MTUS2: variants seen among roughly 807,000 people sequenced by gnomAD.
The protein encoded by MTUS2 is microtubule associated scaffold protein 2, also known as microtubule-associated tumor suppressor candidate 2.
A neutral mutation model predicts 114.1 loss-of-function variants in MTUS2; 40 were observed. That is an observed-to-expected ratio of 0.35 (90% confidence interval 0.27 to 0.46). The LOEUF (loss-of-function observed/expected upper bound fraction) is 0.46, where lower values mean the gene tolerates loss of function less well. Among genes scored for constraint, MTUS2 ranks in the 20% least tolerant of loss-of-function variants. The pLI is 1.00. For synonymous variants in MTUS2, 688 were observed against 672.0 expected, an observed-to-expected ratio of 1.02 and a Z score of -0.37; for missense variants, 1,679 against 1,705.4, an observed-to-expected ratio of 0.98 and a Z score of 0.27.
chr13:28,916,883 G>A (rs1034230300), intron 2 of MTUS2, among the ~76,000 whole-genome samples: 12 of 151,792 alleles, frequency 7.9e-5, no homozygotes, highest in African/African-American at 2.9e-4. Context: ...TACCCTTTCA[G>A]TATGATACTA....
intron 7 of MTUS2, among the ~76,000 whole-genome samples, chr13:29,346,555 C>T (rs1868711381): frequency 7.7e-6 from 1 of 129,546 alleles, no homozygotes; most frequent in Non-Finnish European, 1.6e-5. Flanking sequence ...CCCACCATGT[C>T]CCCCCAACAG....
chr13:29,055,653 T>G (rs1299923765), intron 4 of MTUS2, among the ~76,000 whole-genome samples: 2 of 152,074 alleles, frequency 1.3e-5, no homozygotes, highest in African/African-American at 4.8e-5. Flanking sequence ...AATGATCTCG[T>G]TCTTTTTTAT....
intron 5 of MTUS2, among the ~76,000 whole-genome samples, chr13:29,198,570 A>G (rs1316382578): frequency 1.3e-5 from 2 of 152,222 alleles, no homozygotes; most frequent in South Asian, 4.1e-4. Context: ...TTAGTTCCAT[A>G]TGAAATTTAA....
intron 2 of MTUS2, among the ~76,000 whole-genome samples, chr13:28,951,580 C>G (rs924840425): frequency 1.2e-4 from 18 of 152,156 alleles, no homozygotes; most frequent in African/African-American, 3.9e-4. Flanking sequence ...GGGTAGATTA[C>G]TTGAGGCCAG....
At chr13:29,349,705 G>C (rs1869057736) in intron 7 of MTUS2, among the ~76,000 whole-genome samples, 3 of 151,998 alleles carry the variant, frequency 2.0e-5, no homozygotes, top group Admixed American at 2.0e-4. Context: ...TTTCCAGCTT[G>C]AATGGTTTCT....
chr13:28,942,897 T>C (rs1393687616), intron 2 of MTUS2, among the ~76,000 whole-genome samples: 1 of 152,194 alleles, frequency 6.6e-6, no homozygotes, highest in Non-Finnish European at 1.5e-5. Flanking sequence ...TTCATTAAGG[T>C]GTACTTCATG....
chr13:29,403,260 G>C (rs1874489964), intron 8 of MTUS2, among the ~76,000 whole-genome samples: 2 of 152,106 alleles, frequency 1.3e-5, no homozygotes, highest in African/African-American at 4.8e-5. Context: ...CACTCCTCTT[G>C]TGTGTTTCTT....
chr13:28,989,746 G>A (rs1158114340), intron 2 of MTUS2, among the ~76,000 whole-genome samples: 2 of 152,114 alleles, frequency 1.3e-5, no homozygotes, highest in South Asian at 2.1e-4. Context: ...AAGCACATGC[G>A]AATCTTAAAG....
chr13:29,243,976 G>A (rs1896820159), intron 5 of MTUS2, among the ~76,000 whole-genome samples: 1 of 152,228 alleles, frequency 6.6e-6, no homozygotes, highest in African/African-American at 2.4e-5. Context: ...AGGAGAACAA[G>A]TATGTGAGTC....
intron 9 of MTUS2, among the ~76,000 whole-genome samples, chr13:29,461,967 A>T (rs1247958843): frequency 1.1e-4 from 16 of 152,166 alleles, no homozygotes; most frequent in Admixed American, 1.0e-3. Context: ...ACCCAAAAAG[A>T]AGGAGCCAGG....
chr13:29,229,144 C>CA (rs1896226738), intron 5 of MTUS2, among the ~76,000 whole-genome samples: 2 of 152,040 alleles, frequency 1.3e-5, no homozygotes, highest in South Asian at 4.2e-4. Flanking sequence ...TTGGTTTCTG[C>CA]TGGCTCCCCT....
At chr13:29,017,574 A>C (rs1201721161) in intron 2 of MTUS2, among the ~76,000 whole-genome samples, 4 of 152,224 alleles carry the variant, frequency 2.6e-5, no homozygotes, top group South Asian at 2.1e-4. Context: ...AATACAAATC[A>C]AACTGATGAT....
chr13:28,921,068 AG>A (rs1566224776), intron 2 of MTUS2, among the ~76,000 whole-genome samples: 1 of 152,214 alleles, frequency 6.6e-6, no homozygotes, highest in East Asian at 1.9e-4. Flanking sequence ...CTGGTACCTG[AG>A]GTACAAGACA....
In MTUS2 at chr13:29,061,269, A is replaced by G. The variant is rs140357549; in HGVS notation, c.2446+27144A>G. Among the ~76,000 whole-genome samples, 344 of 152,302 alleles carry G rather than the reference A, an allele frequency of 2.3e-3. 1 individual carries two copies. Among genetic ancestry groups the G allele is most frequent in the African/African-American group, 7.7e-3 (319 of 41,558 alleles). On this transcript the variant is annotated intron_variant, in intron 4 of 15. Coordinates refer to ENST00000612955, the MANE Select transcript of MTUS2 (RefSeq NM_001033602.4). ...GGCTTAAAGTTCTTTTAGAATATCT[A>G]TAAAGTAACCTTTCTTCTAGAGCTG...
At chr13:29,291,171 G>C (rs1260377171) in intron 6 of MTUS2, among the ~76,000 whole-genome samples, 2 of 152,082 alleles carry the variant, frequency 1.3e-5, no homozygotes, top group African/African-American at 4.8e-5. Context: ...GCAAATCACA[G>C]AGCCCGCCTG....
chr13:29,328,869 A>G (rs1003002995), intron 7 of MTUS2, among the ~76,000 whole-genome samples: 4 of 152,194 alleles, frequency 2.6e-5, no homozygotes, highest in African/African-American at 4.8e-5. Flanking sequence ...TACTTCTTTC[A>G]GCATCTGCTA....
chr13:29,198,842 G>A (rs1894815001), intron 5 of MTUS2, among the ~76,000 whole-genome samples: 1 of 152,086 alleles, frequency 6.6e-6, no homozygotes, highest in South Asian at 2.1e-4. Flanking sequence ...GTGAATGGGA[G>A]TTCACTCATG....
At chr13:29,070,484 C>T (rs1484186944) in intron 4 of MTUS2, among the ~76,000 whole-genome samples, 1 of 151,954 alleles carries the variant, frequency 6.6e-6, no homozygotes, top group African/African-American at 2.4e-5. Flanking sequence ...GAAACGGTAA[C>T]ACCAGTTGGG....
At chr13:29,108,286 G>A (rs1303382232) in intron 5 of MTUS2, among the ~76,000 whole-genome samples, 2 of 152,172 alleles carry the variant, frequency 1.3e-5, no homozygotes, top group East Asian at 3.9e-4. Context: ...TACTCTTAAT[G>A]ATGTCTTTGT....
Sources: gnomAD v4.1 joint callset for allele counts (sites outside exome capture counted in the v4.1 genomes callset) on GRCh38, gnomAD v4.1.1 for gene constraint, MANE v1.5 for transcripts, NCBI Gene and HGNC (gene_info 2026-07-23, HGNC 2026-07-21) for gene names.